The following ANK1 variants were observed in gnomAD, a reference collection of about 807,000 sequenced individuals.
ANK1 encodes the protein ankyrin 1.
ANK1 carries 51 observed loss-of-function variants against 210.4 expected under a neutral mutation model. That is an observed-to-expected ratio of 0.24 (90% CI 0.19 to 0.31). The LOEUF (loss-of-function observed/expected upper bound fraction) is 0.31, where lower values mean the gene tolerates loss of function less well. Ranked by LOEUF, ANK1 falls within the 10% of genes least tolerant of loss-of-function variation. ANK1 has a pLI of 1.00. For missense variants in ANK1, 2,051 were observed against 2,504.4 expected (o/e 0.82, Z 3.86); for synonymous variants, 967 against 1,025.9 (o/e 0.94, Z 1.10).
intron 1 of ANK1, among the ~76,000 whole-genome samples, chr8:41,778,889 C>T (rs897600154): frequency 2.0e-5 from 3 of 152,198 alleles, no homozygotes; most frequent in African/African-American, 7.2e-5. Context: ...GCAGGAAGCC[C>T]GCGCTCATAG....
Position 41,690,611 on chromosome 8 carries a change from GA to G in ANK1, c.3859-13del. The G allele has an allele frequency of 6.2e-7, 1 of 1,610,878 alleles. No homozygotes were observed. On this transcript the variant is annotated splice_polypyrimidine_tract_variant and intron_variant, in intron 31 of 42. Transcript: ENST00000289734. ...ATTCCTTCCAACACCTGCAGGAGAG[GA>G]AAAGCAGATACAGCTTGTCAGGGAG...
intron 1 of ANK1, among the ~76,000 whole-genome samples, chr8:41,809,641 G>A (rs1407500624): frequency 3.3e-5 from 5 of 151,996 alleles, no homozygotes; most frequent in Non-Finnish European, 7.4e-5. Flanking sequence ...GAGGGTGCAT[G>A]CCTGTAGCCC....
At position 41,655,138 on chromosome 8, in the gene ANK1, GT is replaced by G. The variant is rs1292841834; in HGVS notation, c.*651del. ...TTCAGTGGAGGCGAGTGGTGTGTGTGTGTGTGTGTGTGTGTCCTGAATGTCA... is the reference window on the plus strand; with the variant it reads ...TTCAGTGGAGGCGAGTGGTGTGTGTGGTGTGTGTGTGTGTCCTGAATGTCA... On this transcript the variant is annotated 3_prime_UTR_variant, in exon 43 of 43. Coordinates refer to ENST00000289734, the MANE Select transcript of ANK1 (RefSeq NM_000037.4). The G allele has an allele frequency of 4.1e-5, 6 of 146,358 alleles. No individual in the cohort carries two copies. The highest frequency in any genetic ancestry group is 7.6e-5 in the Non-Finnish European group (5 of 65,932). The allele number at this position is 146,358 out of a possible 1,614,324, so 9.1% of individuals were successfully genotyped here.
chr8:41,782,553 T>C (rs1276592049), intron 1 of ANK1, among the ~76,000 whole-genome samples: 1 of 152,146 alleles, frequency 6.6e-6, no homozygotes, highest in Non-Finnish European at 1.5e-5. Context: ...GGTCTTCCCC[T>C]AAACATTGTA....
At position 41,704,223 on chromosome 8, in the gene ANK1, C is replaced by T. The variant is rs1056425054; in HGVS notation, c.2197-84G>A. The stretch of plus-strand genomic sequence containing the variant: ...ACACATGATAGTGCCTGCCCATCTT[C>T]GAAGTGGGACATTAATGAAATGCAT... On this transcript the variant is annotated intron_variant, in intron 19 of 42. Transcript: ENST00000289734. This position sits in a 1 kb window ranked among gnomAD's most constrained non-coding sequence, Gnocchi z 4.1. 35 of 1,387,942 alleles carry T rather than the reference C, an allele frequency of 2.5e-5. No homozygotes were observed. The East Asian group carries it at 3.9e-4, about 15-fold the overall frequency. 86.0% of individuals were successfully genotyped at this position (1,387,942 alleles called of 1,614,324 possible).
chr8:41,703,050 C>T (rs1471663044), intron 20 of ANK1, among the ~76,000 whole-genome samples: 2 of 151,798 alleles, frequency 1.3e-5, no homozygotes. Context: ...AGGCTGGTCT[C>T]GAACTCCTGA....
intron 2 of ANK1, among the ~76,000 whole-genome samples, chr8:41,742,553 C>T (rs1376702570): frequency 6.6e-6 from 1 of 152,200 alleles, no homozygotes; most frequent in Non-Finnish European, 1.5e-5. Flanking sequence ...GTCCCCCACT[C>T]CCTTTCTTTG....
chr8:41,672,719 C>G lies in ANK1; in HGVS notation c.4731G>C (p.Leu1577=), dbSNP rs763723999. 3 of 1,609,616 alleles carry G rather than the reference C, an allele frequency of 1.9e-6. No homozygotes were observed. In the African/African-American group the frequency reaches 4.0e-5, roughly 22 times the overall value. Residue 1577 remains leucine, a synonymous_variant, in exon 38 of 43, where the codon CTG becomes CTC. Transcript: ENST00000289734. The stretch of plus-strand genomic sequence containing the variant: ...CCAGAGAGGAGTCCTCAGCAGTGAC[C>G]AGAGAAGGCGTGAGGCCCGCAGACC... ...QVWSAGLTPS[L]VTAEDSSLEC...
chr8:41,845,903 A>G (rs1160132727), intron 1 of ANK1, among the ~76,000 whole-genome samples: 1 of 152,172 alleles, frequency 6.6e-6, no homozygotes, highest in Non-Finnish European at 1.5e-5. Flanking sequence ...TTGATATATC[A>G]GGGTCACCAA....
intron 1 of ANK1, among the ~76,000 whole-genome samples, chr8:41,896,051 G>T (rs928795400): frequency 1.3e-5 from 2 of 152,208 alleles, no homozygotes; most frequent in Non-Finnish European, 2.9e-5. Flanking sequence ...AGAGCAGCGC[G>T]GGCCTGCCGG....
At chr8:41,826,555 C>T (rs746716711) in intron 1 of ANK1, among the ~76,000 whole-genome samples, 3 of 152,136 alleles carry the variant, frequency 2.0e-5, no homozygotes, top group South Asian at 2.1e-4. Context: ...GCACCTCAGC[C>T]GGCCCTTCTC....
chr8:41,836,501 C>T (rs373789519), intron 1 of ANK1, among the ~76,000 whole-genome samples: 33 of 152,336 alleles, frequency 2.2e-4, no homozygotes, highest in East Asian at 1.5e-3. Context: ...GCAATGTGGC[C>T]GGGCTCCCGG....
intron 1 of ANK1, among the ~76,000 whole-genome samples, chr8:41,770,104 C>G (rs1318421199): frequency 6.6e-6 from 1 of 150,602 alleles, no homozygotes; most frequent in East Asian, 2.0e-4. Flanking sequence ...GCCTCAGACT[C>G]CTGAGTAGCT....
chr8:41,893,587 C>T (rs913003826), intron 1 of ANK1, among the ~76,000 whole-genome samples: 2 of 152,226 alleles, frequency 1.3e-5, no homozygotes, highest in Non-Finnish European at 2.9e-5. Context: ...GTTATTTCTA[C>T]AAACGGGAGG....
chr8:41,775,149 C>G (rs1329717657), intron 1 of ANK1, among the ~76,000 whole-genome samples: 1 of 151,996 alleles, frequency 6.6e-6, no homozygotes, highest in Non-Finnish European at 1.5e-5. Context: ...AGGCGTTGGA[C>G]AGCCCTGCAT....
At chr8:41,764,741 G>A (rs1351169430) in intron 1 of ANK1, among the ~76,000 whole-genome samples, 1 of 152,168 alleles carries the variant, frequency 6.6e-6, no homozygotes, top group African/African-American at 2.4e-5. Flanking sequence ...GCACACAGCA[G>A]ACATTCTGCT....
intron 37 of ANK1, among the ~76,000 whole-genome samples, chr8:41,683,087 C>T (rs1289035942): frequency 1.3e-5 from 2 of 152,040 alleles, no homozygotes; most frequent in Non-Finnish European, 2.9e-5. Context: ...TGCACACACA[C>T]ACACATGCAC....
intron 1 of ANK1, among the ~76,000 whole-genome samples, chr8:41,795,453 G>A (rs1487011017): frequency 6.6e-6 from 1 of 152,044 alleles, no homozygotes; most frequent in African/African-American, 2.4e-5. Context: ...AGGTTGCAGT[G>A]AGCCAACATC....
Position 41,796,791 on chromosome 8 carries a change from C to A in ANK1, c.27+721G>T, listed in dbSNP as rs370447091. Among the ~76,000 whole-genome samples, 8 of 151,956 alleles carry A rather than the reference C, an allele frequency of 5.3e-5. No individual in the cohort carries two copies. In the East Asian group the frequency reaches 1.2e-3, roughly 22 times the overall value. ...TAAGAACCGTACCCAACAAAGGACA[C>A]TGACACATGGCACAGGCTGGCCGTG... On this transcript the variant is annotated intron_variant, in intron 1 of 42. Transcript: ENST00000289734.
Sources: allele counts gnomAD v4.1 joint callset (sites outside exome capture counted in the v4.1 genomes callset), GRCh38; gene constraint gnomAD v4.1.1; non-coding constraint Gnocchi (gnomAD v3.1); transcripts MANE v1.5; gene names NCBI Gene and HGNC (gene_info 2026-07-23, HGNC 2026-07-21).